Variants in PCM1 observed in about 807,000 individuals in gnomAD.
PCM1 encodes pericentriolar material 1 protein.
In PCM1, 157 loss-of-function variants were observed where a neutral mutation model predicts 241.9. That is an observed-to-expected ratio of 0.65 (90% CI 0.57 to 0.74). PCM1 has a LOEUF of 0.74. Ranked by LOEUF, PCM1 falls within the 30% of genes least tolerant of loss-of-function variation. The pLI is 0.00. For missense variants in PCM1, 3,478 were observed against 2,360.1 expected (o/e 1.47, Z -9.81); for synonymous variants, 1,085 against 784.9 (o/e 1.38, Z -6.39).
At chr8:17,977,713 A>C (rs145475032) in intron 23 of PCM1, among the ~76,000 whole-genome samples, 18 of 152,296 alleles carry the variant, frequency 1.2e-4, no homozygotes, top group Admixed American at 8.5e-4. Context: ...TTAACCCTGT[A>C]CATGGGAGAG....
intron 36 of PCM1, among the ~76,000 whole-genome samples, chr8:18,021,693 A>C (rs535157689): frequency 6.6e-6 from 1 of 152,292 alleles, no homozygotes; most frequent in South Asian, 2.1e-4. Flanking sequence ...GAATGGACAA[A>C]TTGTATCTTG....
rs754028593 is a variant in PCM1 at position 17,978,153 on chromosome 8, C to T, written c.3944-2438C>T. Among the ~76,000 whole-genome samples, 4 of 152,074 alleles carry T rather than the reference C, an allele frequency of 2.6e-5. No individual in the cohort carries two copies. The East Asian group carries it at 5.8e-4, about 22-fold the overall frequency. ...TTTAGATTATTTAAAAAAGAGGACA[C>T]GTGCTATTAAGTTCCAAATTACAGG... On this transcript the variant is annotated intron_variant, in intron 23 of 38. Transcript: ENST00000325083.
intron 26 of PCM1, among the ~76,000 whole-genome samples, chr8:17,986,608 A>G (rs2082689903): frequency 6.6e-6 from 1 of 151,772 alleles, no homozygotes. Flanking sequence ...GCTAAGGAGA[A>G]TGGTATAAAT....
At chr8:17,940,985 T>G (rs2061844455) in intron 6 of PCM1, among the ~76,000 whole-genome samples, 1 of 152,188 alleles carries the variant, frequency 6.6e-6, no homozygotes, top group Admixed American at 6.5e-5. Context: ...ATTTGAAGGT[T>G]TGTTTCCTAT....
chr8:17,926,561 C>T (rs542223800), intron 2 of PCM1: 14 of 152,328 alleles, frequency 9.2e-5, no homozygotes, highest in Non-Finnish European at 1.8e-4. Context: ...ATTTTATGAT[C>T]ATTTCCCCAC....
chr8:17,946,956 A>G (rs1426984170), intron 6 of PCM1, among the ~76,000 whole-genome samples: 2 of 150,502 alleles, frequency 1.3e-5, no homozygotes, highest in Non-Finnish European at 2.9e-5. Flanking sequence ...CTGCTGAGCC[A>G]TTGATTATGT....
Position 17,989,850 on chromosome 8 carries a change from G to C in PCM1, c.4411-9G>C, listed in dbSNP as rs759581932. On this transcript the variant is annotated splice_polypyrimidine_tract_variant and intron_variant, in intron 26 of 38. Coordinates refer to ENST00000325083, the MANE Select transcript of PCM1 (RefSeq NM_006197.4). The stretch of plus-strand genomic sequence containing the variant: ...ATTAGTGATTTTTGTTTGTTTTACT[G>C]TAACTTAGGAAACTTTTGAGAAGAA... 1 of 1,520,526 alleles carries C rather than the reference G, an allele frequency of 6.6e-7. No homozygotes were observed. The highest frequency in any genetic ancestry group is 8.9e-7 in the Non-Finnish European group (1 of 1,125,600). 94.2% of individuals were successfully genotyped at this position (1,520,526 alleles called of 1,614,324 possible).
rs75793292 is a variant in PCM1, at chr8:17,931,688, G to A, written c.-22-3901G>A. ...ATCTTAATTTTCCCTTCCAATTTAC[G>A]TTTCAAAACAATTGCTTTTAGTACT... is the stretch of plus-strand genomic sequence containing the variant. On this transcript the variant is annotated intron_variant, in intron 2 of 38. Coordinates refer to ENST00000325083, the MANE Select transcript of PCM1 (RefSeq NM_006197.4). Among the ~76,000 whole-genome samples, 377 of 151,902 alleles carry A rather than the reference G, an allele frequency of 2.5e-3. 2 individuals are homozygous for A. Among genetic ancestry groups the A allele is most frequent in the African/African-American group, 8.1e-3 (335 of 41,412 alleles).
chr8:18,024,795 C>T (rs410445), intron 36 of PCM1, among the ~76,000 whole-genome samples: 118,773 of 152,028 alleles, frequency 0.78, 46,948 homozygotes, highest in African/African-American at 0.85. Flanking sequence ...GGGTGAGAAA[C>T]AGTGCAAGAA....
rs758575625 is a variant in PCM1, at chr8:18,014,655, G to C, written c.5656G>C (p.Ala1886Pro). The change falls in exon 36 of 39, where the codon GCT becomes CCT. Residue 1886 changes from alanine (A) to proline (P), a missense_variant. Coordinates refer to ENST00000325083, the MANE Select transcript of PCM1 (RefSeq NM_006197.4). ...ILEDEQPLNS[A>P]AHKESPPTVD... is the part of the protein sequence containing the mutation. ...GGAAGATGAGCAACCTTTAAATAGT[G>C]CTGCCCATAAGGAGTCACCTCCTAC... 1 of 1,613,630 alleles carries C rather than the reference G, an allele frequency of 6.2e-7. No homozygotes were observed.
At chr8:17,934,973 A>G (rs546985789) in intron 2 of PCM1, 1 of 152,286 alleles carries the variant, frequency 6.6e-6, no homozygotes, top group South Asian at 2.1e-4. Context: ...CACTAATACA[A>G]ATTAAACTAG....
chr8:18,026,669 C>G (rs573656224), intron 38 of PCM1, among the ~76,000 whole-genome samples: 45 of 152,200 alleles, frequency 3.0e-4, no homozygotes, highest in African/African-American at 1.0e-3. Flanking sequence ...TACCCGATGA[C>G]AAGTATGTAT....
chr8:18,029,148 C>CTCTG lies in PCM1; in HGVS notation c.*1490_*1493dup, dbSNP rs2094394245. The stretch of plus-strand genomic sequence containing the variant: ...ACTCCAGCCTGGCAACAGAGCGAGA[C>CTCTG]TCTGTCTCAAAAAAAAAAAAAAAAA... On this transcript the variant is annotated 3_prime_UTR_variant, in exon 39 of 39. Coordinates refer to ENST00000325083, the MANE Select transcript of PCM1 (RefSeq NM_006197.4). 8.0e-6 allele frequency: 1 copy of CTCTG among 125,348 alleles called. No homozygotes were observed. The allele number at this position is 125,348 out of a possible 1,614,324, so 7.8% of individuals were successfully genotyped here.
chr8:18,000,704 C>A (rs2089052189), intron 29 of PCM1, among the ~76,000 whole-genome samples: 4 of 152,066 alleles, frequency 2.6e-5, no homozygotes, highest in Admixed American at 2.6e-4. Context: ...TCACTGCAAC[C>A]CTTGCCTTCT....
chr8:18,018,029 T>G (rs368995844), intron 36 of PCM1, among the ~76,000 whole-genome samples: 1 of 152,226 alleles, frequency 6.6e-6, no homozygotes, highest in Non-Finnish European at 1.5e-5. Flanking sequence ...TTATCCACTT[T>G]CAACCCCATG....
chr8:17,989,127 CT>C lies in PCM1; in HGVS notation c.4411-730del, dbSNP rs925497116. Among the ~76,000 whole-genome samples the C allele has an allele frequency of 2.6e-5, 4 of 152,108 alleles. No individual in the cohort carries two copies. The East Asian group carries it at 5.8e-4, about 22-fold the overall frequency. ...CAGCCATTAAAAAATAATTTCTGAA[CT>C]TCTGAAACACAAAACATGGATTCAT... On this transcript the variant is annotated intron_variant, in intron 26 of 38. Transcript: ENST00000325083.
At chr8:17,981,521 C>G (rs149939770) in intron 24 of PCM1, among the ~76,000 whole-genome samples, 3 of 152,086 alleles carry the variant, frequency 2.0e-5, no homozygotes, top group Non-Finnish European at 2.9e-5. Context: ...TAAAGAGCAT[C>G]TCAAAGAAAT....
At chr8:17,936,559 A>T (rs2129449168) in intron 3 of PCM1, among the ~76,000 whole-genome samples, 1 of 152,316 alleles carries the variant, frequency 6.6e-6, no homozygotes, top group Middle Eastern at 3.4e-3. Context: ...TAAAAATAAT[A>T]GCTGTCTTTA....
chr8:17,957,150 G>A lies in PCM1; in HGVS notation c.1647-114G>A, dbSNP rs532618774. On this transcript the variant is annotated intron_variant, in intron 11 of 38. Transcript: ENST00000325083. ...CGATTATTCAATTTGAATTTAAATG[G>A]AATAGCCAACAATGTGCTTGGTTTG... 60 of 760,320 alleles carry A rather than the reference G, an allele frequency of 7.9e-5. No individual in the cohort carries two copies. The South Asian group carries it at 1.2e-3, about 16-fold the overall frequency. The allele number at this position is 760,320 out of a possible 1,614,324, so 47.1% of individuals were successfully genotyped here.
Sources: allele counts gnomAD v4.1 joint callset (sites outside exome capture counted in the v4.1 genomes callset), GRCh38; gene constraint gnomAD v4.1.1; transcripts MANE v1.5; gene names NCBI Gene and HGNC (gene_info 2026-07-23, HGNC 2026-07-21).